TASP1: variants seen among roughly 807,000 people sequenced by gnomAD.
The protein encoded by TASP1 is taspase 1, also known as threonine aspartase 1.
In TASP1, 16 loss-of-function variants were observed where a neutral mutation model predicts 56.6. That is an observed-to-expected ratio of 0.28 (90% CI 0.19 to 0.43). TASP1 has a LOEUF of 0.43. Among genes scored for constraint, TASP1 ranks in the 20% least tolerant of loss-of-function variants. TASP1 has a pLI of 1.00. For synonymous variants in TASP1, 179 were observed against 184.2 expected (o/e 0.97, Z 0.23); for missense variants, 393 against 511.6 (o/e 0.77, Z 2.24).
chr20:13,263,605 A>G, the TASP1 span, among the ~76,000 whole-genome samples: 1 of 152,234 alleles, frequency 6.6e-6, no homozygotes, highest in African/African-American at 2.4e-5. Context: ...TTATTTTTAG[A>G]TGTGTGGAAC....
the TASP1 span, among the ~76,000 whole-genome samples, chr20:13,304,571 C>T: frequency 1.3e-5 from 2 of 152,338 alleles, no homozygotes; most frequent in South Asian, 4.1e-4. Flanking sequence ...ATGTCTTTGC[C>T]TGATGGCTTT....
intron 7 of TASP1, among the ~76,000 whole-genome samples, chr20:13,565,282 T>C (rs2046487075): frequency 6.6e-6 from 1 of 151,790 alleles, no homozygotes; most frequent in African/African-American, 2.4e-5. Flanking sequence ...GCTAAAACTA[T>C]AAATCTCTTA....
chr20:13,202,153 T>G, the TASP1 span, among the ~76,000 whole-genome samples: 1 of 152,152 alleles, frequency 6.6e-6, no homozygotes, highest in African/African-American at 2.4e-5. Flanking sequence ...GCAACCAGCT[T>G]TGCAGGGAGA....
At chr20:13,562,276 T>C (rs1258607766) in intron 7 of TASP1, among the ~76,000 whole-genome samples, 1 of 152,026 alleles carries the variant, frequency 6.6e-6, no homozygotes, top group East Asian at 1.9e-4. Flanking sequence ...AAGGGAAAAT[T>C]TTATGGCTAT....
chr20:13,567,132 T>C (rs2046558340), intron 7 of TASP1, among the ~76,000 whole-genome samples: 1 of 152,108 alleles, frequency 6.6e-6, no homozygotes, highest in Non-Finnish European at 1.5e-5. Context: ...AGCACGAGCA[T>C]GGATGGAGAT....
intron 5 of TASP1, among the ~76,000 whole-genome samples, chr20:13,582,738 T>C (rs1006763859): frequency 2.0e-5 from 3 of 152,128 alleles, no homozygotes; most frequent in Non-Finnish European, 2.9e-5. Context: ...AACACAAAGG[T>C]AAAAGCCTAG....
chr20:13,152,129 A>G, the TASP1 span, among the ~76,000 whole-genome samples: 2 of 152,290 alleles, frequency 1.3e-5, no homozygotes, highest in Non-Finnish European at 2.9e-5. Flanking sequence ...GGAATCTAGG[A>G]TTCTAGAATC....
the TASP1 span, among the ~76,000 whole-genome samples, chr20:13,342,070 G>T: frequency 5.3e-5 from 8 of 152,208 alleles, no homozygotes; most frequent in Non-Finnish European, 1.2e-4. Flanking sequence ...GGTATAGCAG[G>T]CGAGGAACTA....
At chr20:13,393,609 G>T in intron 13 of TASP1, 1 of 1,122,448 alleles carries the variant, frequency 8.9e-7, no homozygotes, top group Non-Finnish European at 1.3e-6. Flanking sequence ...TTCCTGGTGT[G>T]ACAACGAATT....
chr20:13,463,138 CAA>C (rs1018869010), intron 11 of TASP1, among the ~76,000 whole-genome samples: 3 of 152,078 alleles, frequency 2.0e-5, no homozygotes, highest in East Asian at 1.9e-4. Context: ...CCACAGTAAC[CAA>C]AAGAGTATGG....
intron 11 of TASP1, among the ~76,000 whole-genome samples, chr20:13,461,827 C>T (rs2044064587): frequency 6.6e-6 from 1 of 152,140 alleles, no homozygotes; most frequent in Non-Finnish European, 1.5e-5. Flanking sequence ...TCCCAACTTC[C>T]AGAGCTAGGA....
At chr20:13,304,678 G>C in the TASP1 span, among the ~76,000 whole-genome samples, 3 of 152,218 alleles carry the variant, frequency 2.0e-5, no homozygotes, top group South Asian at 6.2e-4. Flanking sequence ...TGGTGATCTT[G>C]GGGGAATCAG....
chr20:13,291,665 T>C, the TASP1 span, among the ~76,000 whole-genome samples: 1 of 152,194 alleles, frequency 6.6e-6, no homozygotes, highest in Non-Finnish European at 1.5e-5. Context: ...GTTCAGTTCC[T>C]CAGAGCAAAT....
At chr20:13,619,629 G>A (rs2048642537) in intron 4 of TASP1, among the ~76,000 whole-genome samples, 1 of 152,134 alleles carries the variant, frequency 6.6e-6, no homozygotes, top group Admixed American at 6.5e-5. Context: ...TTATGGTCCA[G>A]AATCTTAAAT....
the TASP1 span, among the ~76,000 whole-genome samples, chr20:13,238,399 C>T: frequency 6.6e-6 from 1 of 152,150 alleles, no homozygotes; most frequent in Non-Finnish European, 1.5e-5. Context: ...AATTCATAGC[C>T]CATTACTCAT....
chr20:13,173,822 C>T, the TASP1 span, among the ~76,000 whole-genome samples: 3 of 152,162 alleles, frequency 2.0e-5, no homozygotes, highest in African/African-American at 7.2e-5. Flanking sequence ...ATTTCACTTT[C>T]ACAGGGTAAT....
At chr20:13,379,817 A>T in the TASP1 span, among the ~76,000 whole-genome samples, 2 of 151,674 alleles carry the variant, frequency 1.3e-5, no homozygotes, top group Middle Eastern at 3.2e-3. Context: ...CATTTTATTT[A>T]AGTTGATCTT....
At chr20:13,406,621 C>T (rs1039932042) in intron 13 of TASP1, among the ~76,000 whole-genome samples, 1 of 150,778 alleles carries the variant, frequency 6.6e-6, no homozygotes, top group African/African-American at 2.4e-5. Context: ...CGCCCTTAAT[C>T]ACATTGAGGA....
At chr20:13,350,547 A>G in the TASP1 span, among the ~76,000 whole-genome samples, 1 of 152,254 alleles carries the variant, frequency 6.6e-6, no homozygotes, top group African/African-American at 2.4e-5. Flanking sequence ...GCTCTATGAA[A>G]AAAGAATGAA....
Sources: gnomAD v4.1 joint callset for allele counts (sites outside exome capture counted in the v4.1 genomes callset) on GRCh38, gnomAD v4.1.1 for gene constraint, MANE v1.5 for transcripts, NCBI Gene and HGNC (gene_info 2026-07-23, HGNC 2026-07-21) for gene names.